NAV2: variants seen among roughly 807,000 people sequenced by gnomAD.
NAV2 encodes the protein neuron navigator 2, also known as helicase, APC down-regulated 1.
A neutral mutation model predicts 223.2 loss-of-function variants in NAV2; 54 were observed. That is an observed-to-expected ratio of 0.24 (90% CI 0.19 to 0.30). The LOEUF (loss-of-function observed/expected upper bound fraction) is 0.30, where lower values mean the gene tolerates loss of function less well. NAV2 is among the 10% of genes least tolerant of loss of function. The pLI is 1.00. For missense variants in NAV2, 2,806 were observed against 3,147.5 expected (o/e 0.89, Z 2.60); for synonymous variants, 1,279 against 1,239.3 (o/e 1.03, Z -0.67).
intron 1 of NAV2, among the ~76,000 whole-genome samples, chr11:19,519,572 A>G (rs2043576651): frequency 6.6e-6 from 1 of 152,134 alleles, no homozygotes; most frequent in Non-Finnish European, 1.5e-5. Flanking sequence ...CGTGCTCTGT[A>G]ACTAGTTGCT....
chr11:19,510,619 C>T (rs879517570), intron 1 of NAV2, among the ~76,000 whole-genome samples: 19 of 152,218 alleles, frequency 1.2e-4, no homozygotes, highest in Non-Finnish European at 2.2e-4. Flanking sequence ...ACAGAGCCAG[C>T]GCTTTACCCA....
At chr11:19,895,876 G>A (rs2041934704) in intron 6 of NAV2, among the ~76,000 whole-genome samples, 3 of 152,042 alleles carry the variant, frequency 2.0e-5, no homozygotes, top group African/African-American at 7.2e-5. Flanking sequence ...CACATGCAGA[G>A]TGAAATAACC....
chr11:19,840,106 A>G (rs2060431224), intron 2 of NAV2, among the ~76,000 whole-genome samples: 1 of 152,226 alleles, frequency 6.6e-6, no homozygotes, highest in South Asian at 2.1e-4. Context: ...TTTCAAGTAT[A>G]TGAAACTGGA....
In NAV2 at chr11:19,880,000, G is replaced by A. The variant is rs750093474; in HGVS notation, c.643G>A (p.Gly215Arg). The change falls in exon 5 of 38, where the codon GGG (glycine) becomes AGG (arginine). Residue 215 changes from glycine (G) to arginine (R), a missense_variant. Coordinates refer to ENST00000349880, the MANE Select transcript of NAV2 (RefSeq NM_145117.5). ...GCCGCCCGCCGTATCCCAGGTGGCC[G>A]GGGCCCCCTCCCAGTGCCAGGCTGG... ...PLPPAVSQVAGAPSQCQAGTP... is the reference protein window; with the variant it reads ...PLPPAVSQVARAPSQCQAGTP... 8.3e-5 allele frequency: 134 copies of A among 1,613,540 alleles called. 1 individual carries two copies. In the South Asian group the frequency reaches 1.2e-3, roughly 14 times the overall value.
intron 1 of NAV2, among the ~76,000 whole-genome samples, chr11:19,623,099 C>G (rs145725415): frequency 0.096 from 14,617 of 152,240 alleles, 849 homozygotes; most frequent in Middle Eastern, 0.13. Context: ...GGCCCCCACT[C>G]TCTTCTAGCT....
chr11:20,053,978 C>T lies in NAV2; in HGVS notation c.4482-102C>T, dbSNP rs569094413. On this transcript the variant is annotated intron_variant, in intron 17 of 37. Transcript: ENST00000349880. The stretch of plus-strand genomic sequence containing the variant: ...ATCTGATTTTAAAAAAAATCATCTT[C>T]GGATATATGTTTTCTTTTTATATAT... 1.0e-4 allele frequency: 122 copies of T among 1,205,764 alleles called. 2 individuals are homozygous for T. The highest frequency in any genetic ancestry group is 5.3e-4 in the South Asian group (36 of 68,140). 74.7% of individuals were successfully genotyped at this position (1,205,764 alleles called of 1,614,324 possible). A position where few individuals can be genotyped will look rare whatever the true frequency, so the allele number is the denominator to read the frequency against.
At chr11:19,559,631 G>C (rs1268431513) in intron 1 of NAV2, among the ~76,000 whole-genome samples, 1 of 152,132 alleles carries the variant, frequency 6.6e-6, no homozygotes, top group Admixed American at 6.5e-5. Flanking sequence ...GGCAGGAGGG[G>C]TCACATGCTT....
At chr11:19,401,800 C>T (rs1022141045) in intron 1 of NAV2, 1 of 152,198 alleles carries the variant, frequency 6.6e-6, no homozygotes, top group Non-Finnish European at 1.5e-5. Flanking sequence ...TAATTTCCTG[C>T]ACTCCTTTGG....
intron 12 of NAV2, among the ~76,000 whole-genome samples, chr11:20,037,858 G>A (rs1424465289): frequency 3.3e-5 from 5 of 151,794 alleles, no homozygotes; most frequent in African/African-American, 1.2e-4. Flanking sequence ...TTTTTCCTGA[G>A]GCTCATTGTA....
In NAV2 at chr11:20,049,046, C is replaced by G; in HGVS notation, c.4221C>G (p.Leu1407=). The change falls in exon 15 of 38, where the codon CTC becomes CTG. Residue 1407 remains leucine, a synonymous_variant. Transcript: ENST00000349880. ...DGLGFQSVSS[L]HTSCESIDIS... ...TGGGCTTTCAGTCTGTCAGCAGCCT[C>G]CACACCAGCTGTGAGTCCATCGACA... 6.2e-7 allele frequency: 1 copy of G among 1,614,148 alleles called. No individual in the cohort carries two copies.
chr11:19,604,671 A>C (rs1367996677), intron 1 of NAV2, among the ~76,000 whole-genome samples: 1 of 152,068 alleles, frequency 6.6e-6, no homozygotes, highest in African/African-American at 2.4e-5. Flanking sequence ...CCTCTATTTT[A>C]CAGGTGAAGA....
chr11:20,064,976 C>T (rs1051650743), intron 20 of NAV2, among the ~76,000 whole-genome samples: 3 of 152,058 alleles, frequency 2.0e-5, no homozygotes, highest in African/African-American at 7.2e-5. Flanking sequence ...GAGTCAAAGG[C>T]TCCCATTTAC....
intron 1 of NAV2, among the ~76,000 whole-genome samples, chr11:19,588,228 G>A (rs535584380): frequency 5.3e-5 from 8 of 152,216 alleles, no homozygotes; most frequent in African/African-American, 1.9e-4. Context: ...TCCTCCTCCT[G>A]CTCCCACAAA....
chr11:19,810,300 C>T (rs1435413597), intron 1 of NAV2, among the ~76,000 whole-genome samples: 3 of 152,048 alleles, frequency 2.0e-5, no homozygotes, highest in Admixed American at 6.6e-5. Flanking sequence ...GGATATATGC[C>T]TACATTTTGG....
intron 1 of NAV2, among the ~76,000 whole-genome samples, chr11:19,491,129 G>T (rs1314560233): frequency 6.6e-6 from 1 of 152,068 alleles, no homozygotes; most frequent in Non-Finnish European, 1.5e-5. Flanking sequence ...CATTTACTGA[G>T]CACAAGCAGT....
chr11:19,727,016 A>G (rs1294225475), intron 1 of NAV2, among the ~76,000 whole-genome samples: 4 of 152,232 alleles, frequency 2.6e-5, no homozygotes, highest in Non-Finnish European at 5.9e-5. Flanking sequence ...AGAGGACCTC[A>G]TAAGACAGAC....
At chr11:20,052,118 A>G (rs1227742673) in intron 17 of NAV2, among the ~76,000 whole-genome samples, 1 of 152,218 alleles carries the variant, frequency 6.6e-6, no homozygotes, top group East Asian at 1.9e-4. Flanking sequence ...TGCTTTCTAA[A>G]CACCACATGC....
intron 1 of NAV2, among the ~76,000 whole-genome samples, chr11:19,433,738 G>T (rs1851115446): frequency 6.6e-6 from 1 of 152,176 alleles, no homozygotes; most frequent in Admixed American, 6.5e-5. Context: ...TTAACTTCTT[G>T]CAGTTGTGAC....
chr11:20,086,608 C>G (rs1454877008), intron 26 of NAV2, among the ~76,000 whole-genome samples: 1 of 152,136 alleles, frequency 6.6e-6, no homozygotes, highest in Non-Finnish European at 1.5e-5. Context: ...AGTAGAAGCT[C>G]CATGGAGGTA....
Sources: gnomAD v4.1 joint callset for allele counts (sites outside exome capture counted in the v4.1 genomes callset) on GRCh38, gnomAD v4.1.1 for gene constraint, MANE v1.5 for transcripts, NCBI Gene and HGNC (gene_info 2026-07-23, HGNC 2026-07-21) for gene names.